The following RFX3 variants were observed in gnomAD, a reference collection of about 807,000 sequenced individuals.
RFX3 encodes the protein transcription factor RFX3.
A neutral mutation model predicts 98.6 loss-of-function variants in RFX3; 14 were observed. That is an observed-to-expected ratio of 0.14 (90% CI 0.09 to 0.22). The LOEUF is 0.22. RFX3 is among the 10% of genes least tolerant of loss of function. The pLI, the probability that RFX3 is intolerant of heterozygous loss-of-function variation, is 1.00. For synonymous variants in RFX3, 383 were observed against 328.4 expected (o/e 1.17, Z -1.80); for missense variants, 639 against 926.9 (o/e 0.69, Z 4.03).
intron 1 of RFX3, among the ~76,000 whole-genome samples, chr9:3,419,090 G>A (rs1392739757): frequency 2.0e-5 from 3 of 151,988 alleles, no homozygotes; most frequent in Non-Finnish European, 4.4e-5. Flanking sequence ...TGTTTTAAAT[G>A]GCTAAAGGGT....
At chr9:3,317,055 T>C (rs1281337471) in intron 4 of RFX3, among the ~76,000 whole-genome samples, 3 of 152,106 alleles carry the variant, frequency 2.0e-5, no homozygotes, top group Admixed American at 1.3e-4. Context: ...GAGCCCGCAT[T>C]GCCCAGACAA....
intron 15 of RFX3, among the ~76,000 whole-genome samples, chr9:3,245,834 T>G (rs555426800): frequency 1.3e-5 from 2 of 152,300 alleles, no homozygotes; most frequent in African/African-American, 4.8e-5. Flanking sequence ...GATTTTGGCC[T>G]GATGTGTTAC....
intron 5 of RFX3, among the ~76,000 whole-genome samples, chr9:3,299,704 A>T (rs912171749): frequency 2.6e-5 from 4 of 151,820 alleles, no homozygotes; most frequent in African/African-American, 9.7e-5. Context: ...TAATTCAAAC[A>T]TTTATTAATC....
intron 7 of RFX3, among the ~76,000 whole-genome samples, chr9:3,279,181 C>T (rs1271678967): frequency 1.3e-5 from 2 of 151,786 alleles, no homozygotes; most frequent in Non-Finnish European, 1.5e-5. Flanking sequence ...GCTAGCCATT[C>T]TGTTGTAGCA....
chr9:3,301,298 T>C (rs920894912), intron 5 of RFX3, among the ~76,000 whole-genome samples: 1 of 151,890 alleles, frequency 6.6e-6, no homozygotes, highest in African/African-American at 2.4e-5. Context: ...GGCAACTTGT[T>C]ACTAACTCGA....
intron 1 of RFX3, among the ~76,000 whole-genome samples, chr9:3,496,152 C>T (rs879545666): frequency 3.4e-4 from 52 of 151,972 alleles, no homozygotes; most frequent in Non-Finnish European, 2.1e-4. Context: ...GATTTTTACA[C>T]GGAAGAAAAT....
At chr9:3,519,213 T>C (rs528852705) in intron 1 of RFX3, among the ~76,000 whole-genome samples, 1 of 152,328 alleles carries the variant, frequency 6.6e-6, no homozygotes, top group South Asian at 2.1e-4. Flanking sequence ...GAGCCCATTA[T>C]AAGGCTGCAG....
At chr9:3,389,880 G>T (rs922501580) in intron 2 of RFX3, among the ~76,000 whole-genome samples, 1 of 151,982 alleles carries the variant, frequency 6.6e-6, no homozygotes, top group East Asian at 1.9e-4. Context: ...AGTAATATTC[G>T]CCCTGTACAT....
At chr9:3,391,829 G>A (rs116605567) in intron 2 of RFX3, among the ~76,000 whole-genome samples, 1,633 of 152,268 alleles carry the variant, frequency 0.011, 28 homozygotes, top group African/African-American at 0.037. Context: ...CCCCTACGCA[G>A]TAAGGTAACT....
At chr9:3,519,432 CAAAGGATTCTTAGG>C (rs1381867971) in intron 1 of RFX3, among the ~76,000 whole-genome samples, 1 of 152,140 alleles carries the variant, frequency 6.6e-6, no homozygotes, top group African/African-American at 2.4e-5. Context: ...AAGGGATGGT[CAAAGGATTCTTAGG>C]TAGCAAAAAG....
At chr9:3,270,238 T>G in intron 11 of RFX3, 133 bp downstream of exon 11, 1 of 853,842 alleles carries the variant, frequency 1.2e-6, no homozygotes. Flanking sequence ...CGCAATATTC[T>G]GTGTTGCATG....
At chr9:3,504,172 ATATAT>A (rs1293471961) in intron 1 of RFX3, among the ~76,000 whole-genome samples, 57 of 98,052 alleles carry the variant, frequency 5.8e-4, no homozygotes, top group African/African-American at 3.3e-3. Flanking sequence ...TATATATATT[ATATAT>A]TATACATATT....
chr9:3,330,594 AT>A lies in RFX3; in HGVS notation c.216-78del, dbSNP rs1272742506. ...TTAATTTTTTTCTAATATGAATGTAATTGAAATATATTGGTTGGCTTAGCCT... is the reference window on the plus strand; with the variant it reads ...TTAATTTTTTTCTAATATGAATGTAATGAAATATATTGGTTGGCTTAGCCT... On this transcript the variant is annotated intron_variant, in intron 3 of 16. Coordinates refer to ENST00000617270, the MANE Select transcript of RFX3 (RefSeq NM_001282116.2). 5.3e-6 allele frequency: 7 copies of A among 1,319,856 alleles called. No homozygotes were observed. The African/African-American group carries it at 1.0e-4, about 20-fold the overall frequency. 81.8% of individuals were successfully genotyped at this position (1,319,856 alleles called of 1,614,324 possible). A position where few individuals can be genotyped will look rare whatever the true frequency, so the allele number is the denominator to read the frequency against.
At chr9:3,524,988 T>TGGG (rs539910347) in intron 1 of RFX3, among the ~76,000 whole-genome samples, 36 of 93,806 alleles carry the variant, frequency 3.8e-4, no homozygotes, top group African/African-American at 1.3e-3. Context: ...AAGGGGTGTG[T>TGGG]GGGGGGGGGG....
In RFX3 at chr9:3,277,434, C is replaced by G; in HGVS notation, c.879G>C (p.Gly293=). The change falls in exon 8 of 17, where the codon GGG becomes GGC. Residue 293 remains glycine, a synonymous_variant. Transcript: ENST00000617270. ...CACTTCCTGTGAAACCATCTGCAAC[C>G]CCATCCACTTTCTGCATAGGCTTGT... ...QRYKPMQKVD[G]VADGFTGSGQ... 3.7e-6 allele frequency: 6 copies of G among 1,612,318 alleles called. No individual in the cohort carries two copies. The highest frequency in any genetic ancestry group is 5.1e-6 in the Non-Finnish European group (6 of 1,178,712).
At chr9:3,348,869 A>G (rs1834759477) in intron 2 of RFX3, among the ~76,000 whole-genome samples, 1 of 152,048 alleles carries the variant, frequency 6.6e-6, no homozygotes, top group African/African-American at 2.4e-5. Flanking sequence ...TAACTCTGCT[A>G]CTTTCTGTTA....
At chr9:3,503,050 A>C (rs527302974) in intron 1 of RFX3, among the ~76,000 whole-genome samples, 99 of 152,292 alleles carry the variant, frequency 6.5e-4, no homozygotes, top group Non-Finnish European at 1.1e-3. Context: ...TATACCTCAC[A>C]TATCTTTTCA....
At chr9:3,381,452 A>G (rs1171711911) in intron 2 of RFX3, among the ~76,000 whole-genome samples, 1 of 152,238 alleles carries the variant, frequency 6.6e-6, no homozygotes, top group East Asian at 1.9e-4. Flanking sequence ...TCATTTCAAC[A>G]ATCATTTCAA....
chr9:3,232,306 TCAAA>T (rs923691139), intron 15 of RFX3, among the ~76,000 whole-genome samples: 1 of 152,156 alleles, frequency 6.6e-6, no homozygotes, highest in Non-Finnish European at 1.5e-5. Flanking sequence ...AGGCTTTCTC[TCAAA>T]CAGACTGCGA....
Sources: gnomAD v4.1 joint callset for allele counts (sites outside exome capture counted in the v4.1 genomes callset) on GRCh38, gnomAD v4.1.1 for gene constraint, MANE v1.5 for transcripts, NCBI Gene and HGNC (gene_info 2026-07-23, HGNC 2026-07-21) for gene names.